The following SLC9A7 variants were observed in gnomAD, a reference collection of about 807,000 sequenced individuals.
SLC9A7 encodes solute carrier family 9 member A7, also known as sodium/hydrogen exchanger 7.
SLC9A7 carries 19 observed loss-of-function variants against 52.6 expected under a neutral mutation model. That is an observed-to-expected ratio of 0.36 (90% CI 0.25 to 0.53). SLC9A7 has a LOEUF of 0.53. Among genes scored for constraint, SLC9A7 ranks in the 20% least tolerant of loss-of-function variants. The pLI, the probability that SLC9A7 is intolerant of heterozygous loss-of-function variation, is 0.91. For synonymous variants in SLC9A7, 226 were observed against 252.1 expected (o/e 0.90, Z 0.98); for missense variants, 455 against 597.9 (o/e 0.76, Z 2.49).
chrX:46,737,750 G>A (rs1254695531), intron 1 of SLC9A7, among the ~76,000 whole-genome samples: 1 of 111,370 alleles, frequency 9.0e-6, no homozygotes, highest in Non-Finnish European at 1.9e-5. Flanking sequence ...TTTGGGGCTG[G>A]GTGCAGTGGC....
chrX:46,676,017 C>T lies in SLC9A7; in HGVS notation c.604-3390G>A, dbSNP rs115417853. ...TGGAAGTTCCGTGCCCCTTTCTCCA[C>T]ACCTTGCCTTATGCATCTCTTCATC... On this transcript the variant is annotated intron_variant, in intron 3 of 16. Transcript: ENST00000616978. Among the ~76,000 whole-genome samples, 727 of 112,292 alleles carry T rather than the reference C, an allele frequency of 6.5e-3. 7 individuals are homozygous for T. Among genetic ancestry groups the T allele is most frequent in the African/African-American group, 0.023 (697 of 30,927 alleles).
At chrX:46,666,340 T>C (rs184484625) in intron 5 of SLC9A7, among the ~76,000 whole-genome samples, 4 of 112,042 alleles carry the variant, frequency 3.6e-5, no homozygotes, top group African/African-American at 1.3e-4. Context: ...TCAGAATTTT[T>C]GTTTGATGCA....
chrX:46,682,551 A>G lies in SLC9A7; in HGVS notation c.326-16T>C. 2 of 1,188,143 alleles carry G rather than the reference A, an allele frequency of 1.7e-6. No individual in the cohort carries two copies. Among genetic ancestry groups the G allele is most frequent in the Non-Finnish European group, 2.3e-6 (2 of 876,600 alleles). The stretch of plus-strand genomic sequence containing the variant: ...ACGATGAGCCCTGAAAGAGTGGAAA[A>G]AAACTCATCAGGCCTGAGGAAGGAT... On this transcript the variant is annotated splice_polypyrimidine_tract_variant and intron_variant, in intron 1 of 16. Transcript: ENST00000616978.
At chrX:46,747,295 A>T (rs1461893958) in intron 1 of SLC9A7, among the ~76,000 whole-genome samples, 1 of 112,016 alleles carries the variant, frequency 8.9e-6, no homozygotes, top group Non-Finnish European at 1.9e-5. Flanking sequence ...AATAATGCAA[A>T]TGTTTCTAGC....
At position 46,687,500 on chromosome X, in the gene SLC9A7, G is replaced by A. The variant is rs887919006; in HGVS notation, c.326-4965C>T. Among the ~76,000 whole-genome samples the A allele has an allele frequency of 2.7e-5, 3 of 112,212 alleles. No individual in the cohort carries two copies. The Admixed American group carries it at 2.8e-4, about 11-fold the overall frequency. On this transcript the variant is annotated intron_variant, in intron 1 of 16. Coordinates refer to ENST00000616978, the MANE Select transcript of SLC9A7 (RefSeq NM_001257291.2). ...AAAGAGAATCCAATGGATTCCAGCA[G>A]TTGACAATGACTTTTCAGGTTTGGG... is the stretch of plus-strand genomic sequence containing the variant.
chrX:46,704,877 C>A (rs1374905523), intron 1 of SLC9A7, among the ~76,000 whole-genome samples: 1 of 111,434 alleles, frequency 9.0e-6, no homozygotes, highest in Non-Finnish European at 1.9e-5. Context: ...TACCTGCCAA[C>A]ACACTACTGA....
At chrX:46,714,429 C>T (rs1944738685) in intron 1 of SLC9A7, among the ~76,000 whole-genome samples, 1 of 111,413 alleles carries the variant, frequency 9.0e-6, no homozygotes, top group Admixed American at 9.6e-5. Context: ...AACCTCCCCT[C>T]AACACAGGAT....
At chrX:46,725,108 TA>T in intron 1 of SLC9A7, 1 of 580,133 alleles carries the variant, frequency 1.7e-6, no homozygotes. Flanking sequence ...CCTAGTCCCC[TA>T]GTCCCATAAT....
intron 8 of SLC9A7, among the ~76,000 whole-genome samples, chrX:46,651,806 C>T (rs1389125684): frequency 3.1e-5 from 3 of 95,974 alleles, no homozygotes; most frequent in Non-Finnish European, 6.1e-5. Flanking sequence ...CCAGTCTGGG[C>T]GACAGAAGGC....
intron 1 of SLC9A7, among the ~76,000 whole-genome samples, chrX:46,737,543 C>A (rs1317870117): frequency 1.8e-5 from 2 of 111,712 alleles, no homozygotes; most frequent in African/African-American, 6.5e-5. Flanking sequence ...CCAGCTTTTT[C>A]TTTTTGTAAT....
At chrX:46,646,797 T>A (rs1181682122) in intron 11 of SLC9A7, 3 of 334,454 alleles carry the variant, frequency 9.0e-6, no homozygotes, top group Non-Finnish European at 1.8e-5. Context: ...CCATGGGCTG[T>A]AATCAGTACC....
intron 1 of SLC9A7, among the ~76,000 whole-genome samples, chrX:46,751,981 G>A (rs1922266550): frequency 8.9e-6 from 1 of 111,791 alleles, no homozygotes; most frequent in Non-Finnish European, 1.9e-5. Flanking sequence ...AAGTTAATAG[G>A]TTGCAAGCTA....
intron 1 of SLC9A7, among the ~76,000 whole-genome samples, chrX:46,754,069 G>A (rs781948270): frequency 5.4e-4 from 60 of 110,352 alleles, no homozygotes; most frequent in Non-Finnish European, 7.4e-4. Context: ...TTAACCAAAA[G>A]CTCACCCCAA....
In SLC9A7 at chrX:46,724,303, G is replaced by A. The variant is rs1434780745; in HGVS notation, c.325+34402C>T. On this transcript the variant is annotated intron_variant, in intron 1 of 16. Coordinates refer to ENST00000616978, the MANE Select transcript of SLC9A7 (RefSeq NM_001257291.2). Reference sequence around the variant, plus strand: ...TTACTAATAAGGAAACAGAAGCTTAGAGAAGTTGAATAGACTACTCAGTAG... The same window carrying A: ...TTACTAATAAGGAAACAGAAGCTTAAAGAAGTTGAATAGACTACTCAGTAG... Among the ~76,000 whole-genome samples, 11 of 111,852 alleles carry A rather than the reference G, an allele frequency of 9.8e-5. No homozygotes were observed. In the East Asian group the frequency reaches 2.5e-3, roughly 26 times the overall value.
chrX:46,661,940 G>A, intron 7 of SLC9A7, 76 bp downstream of exon 7: 2 of 946,169 alleles, frequency 2.1e-6, no homozygotes, highest in Non-Finnish European at 2.8e-6. Context: ...TGAAAGAACA[G>A]CTGAGAACTT....
chrX:46,689,057 C>T (rs1197671442), intron 1 of SLC9A7, among the ~76,000 whole-genome samples: 1 of 110,966 alleles, frequency 9.0e-6, no homozygotes, highest in Admixed American at 9.6e-5. Context: ...TTTTAACACA[C>T]ATATAGATTC....
At chrX:46,643,207 T>C (rs761724146) in intron 12 of SLC9A7, 29 bp downstream of exon 12, 16 of 1,181,836 alleles carry the variant, frequency 1.4e-5, no homozygotes, top group Non-Finnish European at 1.8e-5. Context: ...ACAACTGACA[T>C]ACTCAATTAG....
At chrX:46,737,261 T>C (rs187494032) in intron 1 of SLC9A7, among the ~76,000 whole-genome samples, 2 of 112,108 alleles carry the variant, frequency 1.8e-5, no homozygotes, top group East Asian at 2.8e-4. Flanking sequence ...CTGTGAGTAT[T>C]TGGCAGGAAT....
intron 5 of SLC9A7, among the ~76,000 whole-genome samples, chrX:46,665,519 A>T (rs1199573155): frequency 3.1e-5 from 3 of 95,868 alleles, no homozygotes; most frequent in Non-Finnish European, 6.2e-5. Context: ...GTCCCAAAGG[A>T]TGCACTCCAG....
Sources: gnomAD v4.1 joint callset for allele counts (sites outside exome capture counted in the v4.1 genomes callset) on GRCh38, gnomAD v4.1.1 for gene constraint, MANE v1.5 for transcripts, NCBI Gene and HGNC (gene_info 2026-07-23, HGNC 2026-07-21) for gene names.